Variants in FGD4 observed in about 807,000 individuals in gnomAD.
FGD4 encodes FYVE, RhoGEF and PH domain containing 4.
A neutral mutation model predicts 102.0 loss-of-function variants in FGD4; 42 were observed. The observed-to-expected ratio is 0.41, with a 90% confidence interval of 0.32 to 0.53. The LOEUF (loss-of-function observed/expected upper bound fraction) is 0.53. Ranked by LOEUF, FGD4 falls within the 20% of genes least tolerant of loss-of-function variation. The probability of loss-of-function intolerance (pLI) is 0.21; values close to 1 mark genes in which losing one functional copy is unlikely to be tolerated. For synonymous variants in FGD4, 380 were observed against 375.7 expected (o/e 1.01, Z -0.13); for missense variants, 902 against 1,078.2 (o/e 0.84, Z 2.29).
At chr12:32,617,310 T>C (rs1167245549) in intron 10 of FGD4, among the ~76,000 whole-genome samples, 1 of 152,230 alleles carries the variant, frequency 6.6e-6, no homozygotes, top group African/African-American at 2.4e-5. Context: ...CTTATTTCCT[T>C]GGAATTTGAT....
At chr12:32,420,177 GC>G (rs1398751989) in intron 1 of FGD4, among the ~76,000 whole-genome samples, 1 of 152,138 alleles carries the variant, frequency 6.6e-6, no homozygotes, top group African/African-American at 2.4e-5. Flanking sequence ...CCCTGTGGCT[GC>G]TGCCTTAGTT....
intron 1 of FGD4, among the ~76,000 whole-genome samples, chr12:32,561,448 T>C (rs181241269): frequency 5.8e-4 from 88 of 152,320 alleles, no homozygotes; most frequent in Admixed American, 9.8e-4. Flanking sequence ...TTTTGGGTTT[T>C]TTTTACTCAA....
intron 1 of FGD4, among the ~76,000 whole-genome samples, chr12:32,499,866 A>T (rs1938057336): frequency 6.6e-6 from 1 of 152,104 alleles, no homozygotes; most frequent in Non-Finnish European, 1.5e-5. Flanking sequence ...AAATACAAAA[A>T]AATTAGCTGG....
chr12:32,519,434 T>G (rs2136724070), intron 1 of FGD4, among the ~76,000 whole-genome samples: 1 of 152,320 alleles, frequency 6.6e-6, no homozygotes, highest in African/African-American at 2.4e-5. Context: ...AAAATCTTAT[T>G]TTTTAAAAAA....
intron 1 of FGD4, among the ~76,000 whole-genome samples, chr12:32,484,189 T>G (rs929467107): frequency 4.6e-5 from 7 of 152,212 alleles, no homozygotes; most frequent in Non-Finnish European, 1.0e-4. Flanking sequence ...TTCTTATCCA[T>G]GCAATGGGAG....
Position 32,645,991 on chromosome 12 carries a change from T to C in FGD4, c.*5458T>C, listed in dbSNP as rs951199521. On this transcript the variant is annotated 3_prime_UTR_variant, in exon 17 of 17. Transcript: ENST00000534526. ...TTGGAAACATTGTAAAATTAAGCAC[T>C]TTAATTCCTATTAAATATTAAACAT... The C allele has an allele frequency of 1.3e-5, 2 of 152,144 alleles. No homozygotes were observed. Among genetic ancestry groups the C allele is most frequent in the African/African-American group, 2.4e-5 (1 of 41,430 alleles). The allele number at this position is 152,144 out of a possible 1,614,324, so 9.4% of individuals were successfully genotyped here.
At chr12:32,552,525 G>A (rs1045775943) in intron 1 of FGD4, among the ~76,000 whole-genome samples, 6 of 143,418 alleles carry the variant, frequency 4.2e-5, no homozygotes, top group Admixed American at 2.3e-4. Flanking sequence ...CAGGTGATCC[G>A]CCTGCCTTGG....
At chr12:32,490,888 T>C (rs1944064414) in intron 1 of FGD4, among the ~76,000 whole-genome samples, 1 of 152,148 alleles carries the variant, frequency 6.6e-6, no homozygotes, top group Non-Finnish European at 1.5e-5. Flanking sequence ...ATAGTTCCTC[T>C]CACAGGATTG....
At chr12:32,423,914 C>G (rs1941742227) in intron 1 of FGD4, among the ~76,000 whole-genome samples, 1 of 146,930 alleles carries the variant, frequency 6.8e-6, no homozygotes, top group Non-Finnish European at 1.5e-5. Context: ...TTCTACCATT[C>G]TATTCTCTAC....
At chr12:32,494,565 T>A (rs1442611089) in intron 1 of FGD4, among the ~76,000 whole-genome samples, 1 of 152,258 alleles carries the variant, frequency 6.6e-6, no homozygotes, top group Non-Finnish European at 1.5e-5. Flanking sequence ...TGGTGATACC[T>A]GTTTTTATGA....
chr12:32,615,656 G>T (rs889117286), intron 10 of FGD4, among the ~76,000 whole-genome samples: 1 of 151,928 alleles, frequency 6.6e-6, no homozygotes, highest in African/African-American at 2.4e-5. Flanking sequence ...GGGGTGGGGT[G>T]GGGGTGTGGC....
At chr12:32,574,665 T>C (rs1565860017) in intron 2 of FGD4, 1 of 152,210 alleles carries the variant, frequency 6.6e-6, no homozygotes, top group Non-Finnish European at 1.5e-5. Context: ...CCACTTGTAG[T>C]TCATTGTGAC....
chr12:32,583,203 A>G (rs1378416371), intron 4 of FGD4, among the ~76,000 whole-genome samples: 1 of 152,104 alleles, frequency 6.6e-6, no homozygotes, highest in Non-Finnish European at 1.5e-5. Flanking sequence ...AGAGCATGGT[A>G]GTTTGCACCT....
intron 1 of FGD4, among the ~76,000 whole-genome samples, chr12:32,523,230 C>A (rs904855055): frequency 2.6e-4 from 40 of 152,192 alleles, no homozygotes. Context: ...CAAGGAGAGG[C>A]TGCTGAGGTT....
chr12:32,584,084 T>C (rs1946819891), intron 4 of FGD4, among the ~76,000 whole-genome samples: 1 of 152,258 alleles, frequency 6.6e-6, no homozygotes, highest in Non-Finnish European at 1.5e-5. Flanking sequence ...AGAGATTTTA[T>C]AGAATTTTCC....
chr12:32,619,967 C>T, intron 11 of FGD4, 97 bp downstream of exon 11: 1 of 1,374,044 alleles, frequency 7.3e-7, no homozygotes, highest in East Asian at 2.3e-5. Flanking sequence ...CAAGTGAATG[C>T]TGCATATCTC....
intron 1 of FGD4, among the ~76,000 whole-genome samples, chr12:32,519,635 T>C (rs1940288946): frequency 6.6e-6 from 1 of 150,946 alleles, no homozygotes; most frequent in Non-Finnish European, 1.5e-5. Context: ...TGCTTAAAAA[T>C]AAAATAAAAT....
intron 14 of FGD4, among the ~76,000 whole-genome samples, chr12:32,632,350 G>A (rs7313624): frequency 0.54 from 81,581 of 152,098 alleles, 23,742 homozygotes; most frequent in African/African-American, 0.77. Context: ...AAAAGCTGTA[G>A]TCAGTGCTAT....
chr12:32,568,716 C>T (rs939971019), intron 2 of FGD4, among the ~76,000 whole-genome samples: 2 of 152,112 alleles, frequency 1.3e-5, no homozygotes, highest in African/African-American at 4.8e-5. Flanking sequence ...AAGTAAAAAT[C>T]TATGTATAAT....
Sources: gnomAD v4.1 joint callset for allele counts (sites outside exome capture counted in the v4.1 genomes callset) on GRCh38, gnomAD v4.1.1 for gene constraint, MANE v1.5 for transcripts, NCBI Gene and HGNC (gene_info 2026-07-23, HGNC 2026-07-21) for gene names.